Variants in RAB3C observed in about 807,000 individuals in gnomAD.
RAB3C encodes the protein ras-related protein Rab-3C.
A neutral mutation model predicts 26.4 loss-of-function variants in RAB3C; 17 were observed. The ratio of observed to expected loss-of-function variants is 0.64; its 90% CI spans 0.44 to 0.97. RAB3C has a LOEUF of 0.97. Ranked by LOEUF, RAB3C falls within the 50% of genes least tolerant of loss-of-function variation. The pLI, the probability that RAB3C is intolerant of heterozygous loss-of-function variation, is 0.00. For synonymous variants in RAB3C, 91 were observed against 95.9 expected, an observed-to-expected ratio of 0.95 and a Z score of 0.30; for missense variants, 242 against 281.9, an observed-to-expected ratio of 0.86 and a Z score of 1.01.
At chr5:58,732,618 G>T (rs1561303619) in intron 3 of RAB3C, among the ~76,000 whole-genome samples, 1 of 152,126 alleles carries the variant, frequency 6.6e-6, no homozygotes, top group Non-Finnish European at 1.5e-5. Context: ...AATGATCCAA[G>T]AACTGAATGG....
intron 3 of RAB3C, among the ~76,000 whole-genome samples, chr5:58,728,987 C>T (rs1740945564): frequency 6.6e-6 from 1 of 151,960 alleles, no homozygotes. Context: ...ATTTACTTTT[C>T]AAGGCTATCT....
intron 4 of RAB3C, among the ~76,000 whole-genome samples, chr5:58,826,416 A>G (rs577344046): frequency 6.6e-6 from 1 of 152,288 alleles, no homozygotes; most frequent in Admixed American, 6.5e-5. Flanking sequence ...AGAAAGTTGC[A>G]GAACTGAGTT....
At chr5:58,778,455 A>T (rs561887689) in intron 3 of RAB3C, among the ~76,000 whole-genome samples, 1 of 152,128 alleles carries the variant, frequency 6.6e-6, no homozygotes, top group Non-Finnish European at 1.5e-5. Context: ...AGTCATGCCC[A>T]TGCCCAATAA....
intron 3 of RAB3C, among the ~76,000 whole-genome samples, chr5:58,766,056 G>A (rs1034101218): frequency 1.3e-5 from 2 of 151,694 alleles, no homozygotes; most frequent in Non-Finnish European, 1.5e-5. Context: ...CATGCTTGCT[G>A]TATGGCTTGT....
intron 4 of RAB3C, among the ~76,000 whole-genome samples, chr5:58,838,030 T>C (rs1469159483): frequency 6.6e-6 from 1 of 152,218 alleles, no homozygotes; most frequent in Non-Finnish European, 1.5e-5. Context: ...TTAGGTCTTA[T>C]CTCGTTTTTT....
At chr5:58,724,397 G>A in intron 2 of RAB3C, among the ~76,000 whole-genome samples, 1 of 151,668 alleles carries the variant, frequency 6.6e-6, no homozygotes, top group East Asian at 2.0e-4. Context: ...TACAAAGCAG[G>A]TTTTTTTATT....
intron 3 of RAB3C, among the ~76,000 whole-genome samples, chr5:58,739,439 T>C (rs1395391518): frequency 6.6e-6 from 1 of 152,208 alleles, no homozygotes; most frequent in Non-Finnish European, 1.5e-5. Flanking sequence ...AATTTATCTT[T>C]GCAGTGCAGT....
In RAB3C at chr5:58,664,982, A is replaced by G. The variant is rs150334542; in HGVS notation, c.252+47112A>G. Among the ~76,000 whole-genome samples the G allele has an allele frequency of 4.6e-4, 70 of 152,112 alleles. No homozygotes were observed. The Middle Eastern group carries it at 0.02, about 44-fold the overall frequency. On this transcript the variant is annotated intron_variant, in intron 2 of 4. Transcript: ENST00000282878. Reference sequence around the variant, plus strand: ...GCTGGATGCCTCCAGCCTCTGAAATATGTTTCTCCCAGATCATAGTCTAGT... The same window carrying G: ...GCTGGATGCCTCCAGCCTCTGAAATGTGTTTCTCCCAGATCATAGTCTAGT...
At chr5:58,752,430 G>C (rs1388994595) in intron 3 of RAB3C, among the ~76,000 whole-genome samples, 1 of 150,106 alleles carries the variant, frequency 6.7e-6, no homozygotes, top group East Asian at 1.9e-4. Flanking sequence ...GGGCAGAATA[G>C]ATTAAGAACT....
At chr5:58,715,896 A>T (rs1404941092) in intron 2 of RAB3C, among the ~76,000 whole-genome samples, 1 of 152,048 alleles carries the variant, frequency 6.6e-6, no homozygotes, top group African/African-American at 2.4e-5. Flanking sequence ...CATGCCCTGG[A>T]AGAGTGAATT....
At chr5:58,591,419 A>G (rs1361939533) in intron 1 of RAB3C, among the ~76,000 whole-genome samples, 1 of 151,940 alleles carries the variant, frequency 6.6e-6, no homozygotes, top group Non-Finnish European at 1.5e-5. Flanking sequence ...ATACTCTGTT[A>G]TTAGGTATAC....
chr5:58,830,885 T>C (rs1031226580), intron 4 of RAB3C, among the ~76,000 whole-genome samples: 6 of 152,122 alleles, frequency 3.9e-5, no homozygotes, highest in African/African-American at 1.4e-4. Context: ...AGGTCTTTTT[T>C]TTTTAGAGAT....
intron 3 of RAB3C, among the ~76,000 whole-genome samples, chr5:58,730,970 A>C (rs906324502): frequency 1.3e-5 from 2 of 152,132 alleles, no homozygotes; most frequent in African/African-American, 4.8e-5. Flanking sequence ...AAGCATGTTC[A>C]GGGGAGCTGC....
At chr5:58,792,842 T>TTA (rs903012881) in intron 3 of RAB3C, among the ~76,000 whole-genome samples, 156 of 151,906 alleles carry the variant, frequency 1.0e-3, no homozygotes, top group African/African-American at 3.5e-3. Flanking sequence ...AATAAAAGAT[T>TTA]TATATATATA....
Position 58,853,807 on chromosome 5 carries a change from C to T in RAB3C, c.*2456C>T, listed in dbSNP as rs540897255. 2.6e-5 allele frequency: 4 copies of T among 152,100 alleles called. No homozygotes were observed. Among genetic ancestry groups the T allele is most frequent in the African/African-American group, 7.2e-5 (3 of 41,412 alleles). The allele number at this position is 152,100 out of a possible 1,614,324, so 9.4% of individuals were successfully genotyped here. A position where few individuals can be genotyped will look rare whatever the true frequency, so the allele number is the denominator to read the frequency against. On this transcript the variant is annotated 3_prime_UTR_variant, in exon 5 of 5. Transcript: ENST00000282878. ...GAAACTCCCACCCTGTTAGGATTTC[C>T]ATTCCAAATAATTCAATGAGAGGTT... is the stretch of plus-strand genomic sequence containing the variant.
At chr5:58,789,811 T>C (rs926355108) in intron 3 of RAB3C, among the ~76,000 whole-genome samples, 2 of 152,242 alleles carry the variant, frequency 1.3e-5, no homozygotes, top group East Asian at 3.8e-4. Context: ...AATTCTATCC[T>C]GAAGTGTTTT....
intron 3 of RAB3C, among the ~76,000 whole-genome samples, chr5:58,818,010 C>T (rs1579935598): frequency 1.3e-5 from 2 of 152,310 alleles, no homozygotes; most frequent in South Asian, 4.1e-4. Context: ...AAGATCTGTT[C>T]GAGCTTCGCT....
At chr5:58,642,134 A>G (rs914881260) in intron 2 of RAB3C, among the ~76,000 whole-genome samples, 1 of 152,210 alleles carries the variant, frequency 6.6e-6, no homozygotes, top group Non-Finnish European at 1.5e-5. Context: ...TTGCATGATG[A>G]GCTGCATTTG....
intron 1 of RAB3C, among the ~76,000 whole-genome samples, chr5:58,609,691 T>G (rs1330522321): frequency 2.0e-5 from 3 of 152,212 alleles, no homozygotes; most frequent in Non-Finnish European, 4.4e-5. Flanking sequence ...GGTTTGCATC[T>G]TGAAAGCATT....
Sources: gnomAD v4.1 joint callset for allele counts (sites outside exome capture counted in the v4.1 genomes callset) on GRCh38, gnomAD v4.1.1 for gene constraint, MANE v1.5 for transcripts, NCBI Gene and HGNC (gene_info 2026-07-23, HGNC 2026-07-21) for gene names.